The following DNAJC10 variants were observed in gnomAD, a reference collection of about 807,000 sequenced individuals.
DNAJC10 encodes endoplasmic reticulum disulfide reductase DNAJC10.
A neutral mutation model predicts 115.0 loss-of-function variants in DNAJC10; 101 were observed. The ratio of observed to expected loss-of-function variants is 0.88; its 90% confidence interval spans 0.75 to 1.04. The LOEUF is 1.04. Among genes scored for constraint, DNAJC10 ranks in the 50% least tolerant of loss-of-function variants. The probability of loss-of-function intolerance (pLI) is 0.00; values close to 1 mark genes in which losing one functional copy is unlikely to be tolerated. For synonymous variants in DNAJC10, 307 were observed against 301.5 expected (o/e 1.02, Z -0.19); for missense variants, 981 against 928.8 (o/e 1.06, Z -0.73).
At position 182,778,891 on chromosome 2, in the gene DNAJC10, T is replaced by TA. The variant is rs1445397610; in HGVS notation, c.*1763dup. On this transcript the variant is annotated 3_prime_UTR_variant, in exon 24 of 24. Transcript: ENST00000264065. ...AAGTCTTACTTGGGTAAATACTTAC[T>TA]AAAATATACTGGTTATGTGCATATC... 6.6e-6 allele frequency: 1 copy of TA among 152,244 alleles called. No homozygotes were observed. Among genetic ancestry groups the TA allele is most frequent in the African/African-American group, 2.4e-5 (1 of 41,466 alleles). The allele number at this position is 152,244 out of a possible 1,614,324, so 9.4% of individuals were successfully genotyped here.
At chr2:182,750,081 A>G (rs1349744132) in intron 14 of DNAJC10, among the ~76,000 whole-genome samples, 1 of 152,182 alleles carries the variant, frequency 6.6e-6, no homozygotes, top group Non-Finnish European at 1.5e-5. Context: ...AGAGAAGTAG[A>G]TTTGTAAAAG....
chr2:182,741,334 T>TGAAAAA lies in DNAJC10; in HGVS notation c.1169_1170insGAAAAA (p.Leu390_Leu391insLysLys), dbSNP rs1175962792. The TGAAAAA allele has an allele frequency of 6.4e-7, 1 of 1,570,952 alleles. No homozygotes were observed. Among genetic ancestry groups the TGAAAAA allele is most frequent in the Non-Finnish European group, 8.7e-7 (1 of 1,151,684 alleles). On this transcript the variant is annotated inframe_insertion, in exon 13 of 24. Coordinates refer to ENST00000264065, the MANE Select transcript of DNAJC10 (RefSeq NM_018981.4). ...CCTGAGCTGAAAAAACTAAAAACTCTACTTAAAAATGATCATATTCAAGTA... is the reference window on the plus strand; with the variant it reads ...CCTGAGCTGAAAAAACTAAAAACTCTGAAAAAACTTAAAAATGATCATATTCAAGTA...
At chr2:182,757,084 GA>G (rs956981379) in intron 18 of DNAJC10, among the ~76,000 whole-genome samples, 2 of 151,336 alleles carry the variant, frequency 1.3e-5, no homozygotes, top group Non-Finnish European at 2.9e-5. Flanking sequence ...TTAAAAGTAA[GA>G]AAAAAAAGCT....
chr2:182,766,300 C>T (rs1325992271), intron 22 of DNAJC10, among the ~76,000 whole-genome samples: 1 of 152,140 alleles, frequency 6.6e-6, no homozygotes, highest in Non-Finnish European at 1.5e-5. Flanking sequence ...GCATTCTTTT[C>T]TGATAAGGGA....
intron 18 of DNAJC10, among the ~76,000 whole-genome samples, chr2:182,757,093 G>T (rs918176780): frequency 6.6e-6 from 1 of 152,068 alleles, no homozygotes. Flanking sequence ...AGAAAAAAAA[G>T]CTTTCAGCAT....
intron 21 of DNAJC10, 40 bp downstream of exon 21, chr2:182,759,347 A>C: frequency 6.4e-7 from 1 of 1,559,736 alleles, no homozygotes; most frequent in Non-Finnish European, 8.6e-7. Flanking sequence ...AGCCACATTC[A>C]TGTTTTAGTA....
intron 22 of DNAJC10, among the ~76,000 whole-genome samples, chr2:182,769,879 C>A (rs1331378935): frequency 6.6e-6 from 1 of 152,174 alleles, no homozygotes; most frequent in African/African-American, 2.4e-5. Context: ...GTGTTTTCGT[C>A]ATGAAGTCCT....
intron 17 of DNAJC10, 144 bp downstream of exon 17, chr2:182,755,248 A>G (rs967164591): frequency 1.3e-5 from 8 of 628,080 alleles, no homozygotes; most frequent in Admixed American, 5.6e-5. Flanking sequence ...GAATTTTTCT[A>G]ATGTTTTACT....
Position 182,756,389 on chromosome 2 carries a change from G to A in DNAJC10, c.1729G>A (p.Glu577Lys), listed in dbSNP as rs371494397. The A allele has an allele frequency of 3.9e-5, 63 of 1,613,832 alleles. No homozygotes were observed. The highest frequency in any genetic ancestry group is 5.0e-5 in the Non-Finnish European group (59 of 1,179,898). Residue 577 changes from glutamate to lysine, a missense_variant, in exon 18 of 24, where the codon GAA becomes AAA. Transcript: ENST00000264065. ...NELVTQRKHNEVWMVDFYSPW... is the reference protein window; with the variant it reads ...NELVTQRKHNKVWMVDFYSPW... The stretch of plus-strand genomic sequence containing the variant: ...ACTAGTTACACAAAGAAAACACAAC[G>A]AAGTCTGGATGGTTGATTTCTATTC...
chr2:182,752,020 G>T, intron 15 of DNAJC10, 52 bp from the exon 16 acceptor site: 1 of 1,395,836 alleles, frequency 7.2e-7, no homozygotes, highest in Non-Finnish European at 1.0e-6. Flanking sequence ...AATGATGGGG[G>T]GGTTTTTTGT....
Position 182,741,369 on chromosome 2 carries a change from T to G in DNAJC10, c.1191+13T>G. On this transcript the variant is annotated intron_variant, in intron 13 of 23. Coordinates refer to ENST00000264065, the MANE Select transcript of DNAJC10 (RefSeq NM_018981.4). ...TGATCATATTCAAGTAAGAAAAATG[T>G]ATTCTGCCTAGCCTTCTGCTGGTGT... The G allele has an allele frequency of 7.4e-7, 1 of 1,357,464 alleles. No individual in the cohort carries two copies. Among genetic ancestry groups the G allele is most frequent in the East Asian group, 2.4e-5 (1 of 42,302 alleles). The allele number at this position is 1,357,464 out of a possible 1,614,324, so 84.1% of individuals were successfully genotyped here. A position where few individuals can be genotyped will look rare whatever the true frequency, so the allele number is the denominator to read the frequency against.
chr2:182,729,795 G>A, intron 7 of DNAJC10, 53 bp from the exon 8 acceptor site: 2 of 1,180,596 alleles, frequency 1.7e-6, no homozygotes, highest in Non-Finnish European at 1.2e-6. Context: ...TATTTTTATT[G>A]AGTTTTAAAA....
intron 9 of DNAJC10, 39 bp from the exon 10 acceptor site, chr2:182,732,460 T>C (rs373708192): frequency 6.2e-7 from 1 of 1,608,368 alleles, no homozygotes; most frequent in African/African-American, 1.3e-5. Flanking sequence ...TCAGGCTTAA[T>C]AAAGGTAAAA....
chr2:182,766,565 C>G (rs1309995695), intron 22 of DNAJC10, among the ~76,000 whole-genome samples: 1 of 152,084 alleles, frequency 6.6e-6, no homozygotes, highest in Non-Finnish European at 1.5e-5. Flanking sequence ...TTCTTGCTAC[C>G]CACAGAGGCC....
At chr2:182,765,275 A>C (rs1694382453) in intron 22 of DNAJC10, among the ~76,000 whole-genome samples, 1 of 152,186 alleles carries the variant, frequency 6.6e-6, no homozygotes, top group South Asian at 2.1e-4. Flanking sequence ...GTAGTAATTA[A>C]GTTTAATCCA....
chr2:182,776,616 A>T (rs529890783), intron 23 of DNAJC10, among the ~76,000 whole-genome samples: 2 of 152,324 alleles, frequency 1.3e-5, no homozygotes, highest in African/African-American at 4.8e-5. Context: ...ATCCAGTTCA[A>T]ACTGCAGACC....
chr2:182,725,729 A>G (rs116527839), intron 5 of DNAJC10, among the ~76,000 whole-genome samples: 6 of 152,318 alleles, frequency 3.9e-5, no homozygotes, highest in African/African-American at 1.4e-4. Context: ...ATCAAAATAC[A>G]AGATGAAGCA....
At chr2:182,734,556 A>C (rs1434516906) in intron 10 of DNAJC10, among the ~76,000 whole-genome samples, 1 of 151,730 alleles carries the variant, frequency 6.6e-6, no homozygotes, top group Non-Finnish European at 1.5e-5. Context: ...ACAGGTACAC[A>C]TTTCTATAAA....
chr2:182,776,544 T>C (rs1286458155), intron 23 of DNAJC10, among the ~76,000 whole-genome samples: 2 of 152,174 alleles, frequency 1.3e-5, no homozygotes, highest in East Asian at 3.8e-4. Context: ...TAGCTCAGCC[T>C]CTGGAAAGGG....
Sources: gnomAD v4.1 joint callset for allele counts (sites outside exome capture counted in the v4.1 genomes callset) on GRCh38, gnomAD v4.1.1 for gene constraint, MANE v1.5 for transcripts, NCBI Gene and HGNC (gene_info 2026-07-23, HGNC 2026-07-21) for gene names.